Variants in GOLM1 observed in about 807,000 individuals in gnomAD.
GOLM1 encodes golgi membrane protein 1.
GOLM1 carries 31 observed loss-of-function variants against 50.5 expected under a neutral mutation model. That is an observed-to-expected ratio of 0.61 (90% CI 0.46 to 0.83). The LOEUF (loss-of-function observed/expected upper bound fraction) is 0.83. GOLM1 is among the 40% of genes least tolerant of loss of function. The pLI is 0.00. For synonymous variants in GOLM1, 178 were observed against 192.8 expected (o/e 0.92, Z 0.64); for missense variants, 491 against 501.3 (o/e 0.98, Z 0.20).
chr9:86,055,031 T>C (rs1587714412), intron 3 of GOLM1, among the ~76,000 whole-genome samples: 1 of 152,238 alleles, frequency 6.6e-6, no homozygotes, highest in Non-Finnish European at 1.5e-5. Flanking sequence ...GACCTTTCTA[T>C]GCAACCATCC....
intron 1 of GOLM1, among the ~76,000 whole-genome samples, chr9:86,095,651 G>A (rs1835336301): frequency 6.6e-6 from 1 of 152,144 alleles, no homozygotes; most frequent in Non-Finnish European, 1.5e-5. Context: ...CTGGCTGCCT[G>A]GAAGATTATG....
At chr9:86,079,786 T>C (rs984567805) in intron 1 of GOLM1, 5 of 153,450 alleles carry the variant, frequency 3.3e-5, no homozygotes, top group Non-Finnish European at 5.8e-5. Context: ...TTCCGCATCA[T>C]ATTAGAAAGA....
At chr9:86,041,558 T>C (rs1833351727) in intron 5 of GOLM1, among the ~76,000 whole-genome samples, 1 of 151,936 alleles carries the variant, frequency 6.6e-6, no homozygotes, top group South Asian at 2.1e-4. Flanking sequence ...CGTTCCTGTC[T>C]CCCCCCGGCG....
At chr9:86,050,144 T>G (rs1833691766) in intron 4 of GOLM1, among the ~76,000 whole-genome samples, 2 of 152,206 alleles carry the variant, frequency 1.3e-5, no homozygotes, top group African/African-American at 4.8e-5. Context: ...TTATCTTTGG[T>G]TCTGTTAATA....
intron 3 of GOLM1, among the ~76,000 whole-genome samples, chr9:86,054,381 C>T (rs764052821): frequency 1.3e-5 from 2 of 152,000 alleles, no homozygotes; most frequent in Admixed American, 6.6e-5. Flanking sequence ...AGTTCTCCTG[C>T]CTCAGCCTCC....
chr9:86,053,047 A>AC (rs1833818019), intron 3 of GOLM1, among the ~76,000 whole-genome samples: 2 of 15,208 alleles, frequency 1.3e-4, no homozygotes, highest in African/African-American at 2.5e-4. Flanking sequence ...ATGACTCCAC[A>AC]CACCACCAGA....
Position 86,027,269 on chromosome 9 carries a change from A to C in GOLM1, c.*548T>G, listed in dbSNP as rs527412418. On this transcript the variant is annotated 3_prime_UTR_variant, in exon 10 of 10. Coordinates refer to ENST00000388712, the MANE Select transcript of GOLM1 (RefSeq NM_016548.4). ...GACTTAAAGCTGTTGCTACTTTGCT[A>C]GTGACGTTTGTGTTAACAGTCAGTG... 2 of 985,492 alleles carry C rather than the reference A, an allele frequency of 2.0e-6. No individual in the cohort carries two copies. The highest frequency in any genetic ancestry group is 1.2e-4 in the Admixed American group (2 of 16,294). 61.0% of individuals were successfully genotyped at this position (985,492 alleles called of 1,614,324 possible).
chr9:86,026,148 A>G lies in GOLM1; in HGVS notation c.*1669T>C, dbSNP rs76100280. The G allele has an allele frequency of 4.4e-3, 4,336 of 984,394 alleles. 126 individuals are homozygous for G. In the African/African-American group the frequency reaches 0.063, roughly 14 times the overall value. The allele number at this position is 984,394 out of a possible 1,614,324, so 61.0% of individuals were successfully genotyped here. On this transcript the variant is annotated 3_prime_UTR_variant, in exon 10 of 10. Transcript: ENST00000388712. ...AAACAGAGCTGTGACAAGTTTTATAAGTTGAACAGAACATTTTATTTCTCA... is the reference window on the plus strand; with the variant it reads ...AAACAGAGCTGTGACAAGTTTTATAGGTTGAACAGAACATTTTATTTCTCA...
intron 3 of GOLM1, among the ~76,000 whole-genome samples, chr9:86,071,803 A>C (rs7872904): frequency 0.33 from 50,701 of 152,164 alleles, 10,392 homozygotes; most frequent in African/African-American, 0.56. Flanking sequence ...GCTCACTAAA[A>C]GGTCCCAAAC....
At chr9:86,080,160 AT>A (rs1242288715) in intron 1 of GOLM1, 2 of 152,228 alleles carry the variant, frequency 1.3e-5, no homozygotes, top group Non-Finnish European at 2.9e-5. Flanking sequence ...TAGGGACCGT[AT>A]CTGTGCAACT....
At chr9:86,058,633 T>C (rs1394643358) in intron 3 of GOLM1, among the ~76,000 whole-genome samples, 1 of 144,102 alleles carries the variant, frequency 6.9e-6, no homozygotes, top group African/African-American at 2.7e-5. Flanking sequence ...GAGGCGGAGG[T>C]TGCAGTGAGC....
chr9:86,060,161 A>G (rs1028436420), intron 3 of GOLM1, among the ~76,000 whole-genome samples: 2 of 152,100 alleles, frequency 1.3e-5, no homozygotes, highest in Admixed American at 6.5e-5. Context: ...TTCACACTCA[A>G]TCTTTGCACT....
Position 86,033,403 on chromosome 9 carries a change from A to G in GOLM1, c.1016-8T>C. ...GTTTCTGCTGGTTTCTCCCTGTAAA[A>G]TTAGCACATAAAACATAAGCTACAT... On this transcript the variant is annotated splice_polypyrimidine_tract_variant and splice_region_variant and intron_variant, in intron 8 of 9. Coordinates refer to ENST00000388712, the MANE Select transcript of GOLM1 (RefSeq NM_016548.4). 6.6e-7 allele frequency: 1 copy of G among 1,508,336 alleles called. No homozygotes were observed. The highest frequency in any genetic ancestry group is 2.3e-5 in the East Asian group (1 of 44,424). The allele number at this position is 1,508,336 out of a possible 1,614,324, so 93.4% of individuals were successfully genotyped here.
intron 1 of GOLM1, among the ~76,000 whole-genome samples, chr9:86,097,554 C>A (rs1241563874): frequency 6.6e-6 from 1 of 152,156 alleles, no homozygotes; most frequent in African/African-American, 2.4e-5. Context: ...AATGGCCACC[C>A]CAGGTCCTTT....
At chr9:86,040,945 AAG>A in intron 5 of GOLM1, 77 bp from the exon 6 acceptor site, 1 of 1,413,976 alleles carries the variant, frequency 7.1e-7, no homozygotes, top group Non-Finnish European at 9.8e-7. Flanking sequence ...CCACTTCCAT[AAG>A]AGACACAGAC....
chr9:86,045,043 T>C lies in GOLM1; in HGVS notation c.467+1427A>G, dbSNP rs10125493. Among the ~76,000 whole-genome samples the C allele has an allele frequency of 4.0e-3, 613 of 152,324 alleles. 5 individuals carry two copies. Among genetic ancestry groups the C allele is most frequent in the African/African-American group, 0.014 (579 of 41,564 alleles). On this transcript the variant is annotated intron_variant, in intron 5 of 9. Transcript: ENST00000388712. ...ATTTTTATCCTTAAAATCCCTTTTA[T>C]CATCGCATGTCTATCTAATTTTACT... is the stretch of plus-strand genomic sequence containing the variant.
intron 7 of GOLM1, among the ~76,000 whole-genome samples, chr9:86,035,866 C>CAAAAA (rs1276980708): frequency 0.018 from 833 of 46,482 alleles, 50 homozygotes; most frequent in African/African-American, 0.038. Context: ...AGTAGCTTAC[C>CAAAAA]AAAAAAAAAA....
intron 1 of GOLM1, among the ~76,000 whole-genome samples, chr9:86,098,757 C>A (rs1835429039): frequency 6.6e-6 from 1 of 152,200 alleles, no homozygotes; most frequent in Non-Finnish European, 1.5e-5. Context: ...TTGTGTGGAT[C>A]CTCCACGTTG....
chr9:86,092,420 G>T (rs7854359), intron 1 of GOLM1, among the ~76,000 whole-genome samples: 3,560 of 152,162 alleles, frequency 0.023, 148 homozygotes, highest in African/African-American at 0.081. Context: ...CCATTACCTG[G>T]GGCTGACCTA....
Sources: gnomAD v4.1 joint callset for allele counts (sites outside exome capture counted in the v4.1 genomes callset) on GRCh38, gnomAD v4.1.1 for gene constraint, MANE v1.5 for transcripts, NCBI Gene and HGNC (gene_info 2026-07-23, HGNC 2026-07-21) for gene names.